SKA2: variants seen among roughly 807,000 people sequenced by gnomAD.
SKA2 encodes the protein spindle and kinetochore associated complex subunit 2.
A neutral mutation model predicts 16.9 loss-of-function variants in SKA2; 13 were observed. The observed-to-expected ratio is 0.77, with a 90% CI of 0.50 to 1.22. The LOEUF (loss-of-function observed/expected upper bound fraction) is 1.22, where lower values mean the gene tolerates loss of function less well. SKA2 is among the 50% of genes most tolerant of loss of function. The pLI is 0.00. For missense variants in SKA2, 107 were observed against 139.7 expected (o/e 0.77, Z 1.18); for synonymous variants, 47 against 48.5 (o/e 0.97, Z 0.13).
chr17:59,143,839 T>C (rs1335620781), intron 1 of SKA2, among the ~76,000 whole-genome samples: 1 of 152,116 alleles, frequency 6.6e-6, no homozygotes, highest in Non-Finnish European at 1.5e-5. Context: ...ATGATTACTA[T>C]AGAATATGAA....
chr17:59,143,223 T>A (rs75664647), intron 1 of SKA2, among the ~76,000 whole-genome samples: 1 of 151,820 alleles, frequency 6.6e-6, no homozygotes, highest in Non-Finnish European at 1.5e-5. Context: ...CTTTTTTTTT[T>A]GAGAGAGTCT....
chr17:59,113,364 A>T (rs1020052946), intron 3 of SKA2, among the ~76,000 whole-genome samples: 10 of 148,856 alleles, frequency 6.7e-5, no homozygotes, highest in Non-Finnish European at 4.5e-5. Context: ...TCTACTAAAA[A>T]ACACAAAAAT....
rs2046260204 is a variant in SKA2 at position 59,110,906 on chromosome 17, T to C, written c.*1371A>G. The C allele has an allele frequency of 6.6e-6, 1 of 152,110 alleles. No individual in the cohort carries two copies. The highest frequency in any genetic ancestry group is 2.1e-4 in the South Asian group (1 of 4,828). 9.4% of individuals were successfully genotyped at this position (152,110 alleles called of 1,614,324 possible). A position where few individuals can be genotyped will look rare whatever the true frequency, so the allele number is the denominator to read the frequency against. ...TTTTCAGCTATTATAAGTTTGTTAA[T>C]GGACAAACATGTTCATAACTGAAAT... On this transcript the variant is annotated 3_prime_UTR_variant, in exon 4 of 4. Transcript: ENST00000330137.
Position 59,139,020 on chromosome 17 carries a change from G to A in SKA2, c.34-7653C>T, listed in dbSNP as rs201911468. Among the ~76,000 whole-genome samples, 3 of 152,262 alleles carry A rather than the reference G, an allele frequency of 2.0e-5. No individual in the cohort carries two copies. In the East Asian group the frequency reaches 5.8e-4, roughly 29 times the overall value. On this transcript the variant is annotated intron_variant, in intron 1 of 3. Transcript: ENST00000330137. ...ATTAAATTACATAAAGTGAAAAAAA[G>A]TATTTCAGTCTCACCTATGGTGGGC...
At chr17:59,142,927 CAAAA>C (rs111796693) in intron 1 of SKA2, among the ~76,000 whole-genome samples, 53 of 60,318 alleles carry the variant, frequency 8.8e-4, no homozygotes, top group African/African-American at 2.6e-3. Context: ...AACCCCATCT[CAAAA>C]AAAAAAAAAA....
chr17:59,134,399 G>A (rs2046430092), intron 1 of SKA2, among the ~76,000 whole-genome samples: 1 of 152,094 alleles, frequency 6.6e-6, no homozygotes, highest in Non-Finnish European at 1.5e-5. Flanking sequence ...CATAAATTAT[G>A]GAATTTGTGG....
At chr17:59,142,604 T>C (rs1342791358) in intron 1 of SKA2, among the ~76,000 whole-genome samples, 3 of 150,500 alleles carry the variant, frequency 2.0e-5, no homozygotes, top group Non-Finnish European at 4.4e-5. Context: ...TATGTATTTT[T>C]TTAATTTTTA....
chr17:59,122,337 C>T (rs558267450), intron 2 of SKA2, among the ~76,000 whole-genome samples: 15 of 152,060 alleles, frequency 9.9e-5, no homozygotes, highest in African/African-American at 3.1e-4. Flanking sequence ...AGGCTGGGTG[C>T]AGTGACTCAC....
Position 59,110,883 on chromosome 17 carries a change from T to C in SKA2, c.*1394A>G, listed in dbSNP as rs946365420. 6.6e-6 allele frequency: 1 copy of C among 152,204 alleles called. No homozygotes were observed. The highest frequency in any genetic ancestry group is 1.9e-4 in the East Asian group (1 of 5,204). The allele number at this position is 152,204 out of a possible 1,614,324, so 9.4% of individuals were successfully genotyped here. ...TGAAGCTGTTCTCACAACCCTGTTTTTCAGCTATTATAAGTTTGTTAATGG... is the reference window on the plus strand; with the variant it reads ...TGAAGCTGTTCTCACAACCCTGTTTCTCAGCTATTATAAGTTTGTTAATGG... On this transcript the variant is annotated 3_prime_UTR_variant, in exon 4 of 4. Coordinates refer to ENST00000330137, the MANE Select transcript of SKA2 (RefSeq NM_182620.4).
chr17:59,123,808 A>C (rs1415611926), intron 2 of SKA2, among the ~76,000 whole-genome samples: 1 of 152,144 alleles, frequency 6.6e-6, no homozygotes, highest in Non-Finnish European at 1.5e-5. Context: ...ATTTTCTCTC[A>C]ATCTCTGAGG....
intron 1 of SKA2, among the ~76,000 whole-genome samples, chr17:59,143,401 A>G (rs1438795454): frequency 6.6e-6 from 1 of 151,946 alleles, no homozygotes; most frequent in Admixed American, 6.6e-5. Flanking sequence ...TTTTAATTTG[A>G]GTCAGAGTCT....
At chr17:59,147,788 G>C (rs948523830) in intron 1 of SKA2, among the ~76,000 whole-genome samples, 2 of 142,568 alleles carry the variant, frequency 1.4e-5, no homozygotes, top group African/African-American at 5.2e-5. Context: ...AAGAGCACTA[G>C]TAGAAATCAC....
At chr17:59,146,034 G>A (rs1187621580) in intron 1 of SKA2, among the ~76,000 whole-genome samples, 1 of 151,720 alleles carries the variant, frequency 6.6e-6, no homozygotes, top group Non-Finnish European at 1.5e-5. Flanking sequence ...AAAGTAGGAA[G>A]CACTTTTATC....
chr17:59,123,504 C>G (rs2046351001), intron 2 of SKA2, among the ~76,000 whole-genome samples: 1 of 151,028 alleles, frequency 6.6e-6, no homozygotes, highest in African/African-American at 2.4e-5. Context: ...TTGCAGTGAG[C>G]CAAGATCATG....
chr17:59,150,326 A>AT (rs1300625992), intron 1 of SKA2, among the ~76,000 whole-genome samples: 1 of 152,200 alleles, frequency 6.6e-6, no homozygotes, highest in Non-Finnish European at 1.5e-5. Context: ...TAAAATTCAT[A>AT]TTTTTTAAAA....
chr17:59,124,291 G>A (rs958083805), intron 2 of SKA2: 4 of 152,024 alleles, frequency 2.6e-5, no homozygotes, highest in African/African-American at 4.8e-5. Flanking sequence ...TTAGAACCAG[G>A]TGTGGTGGCA....
rs919049635 is a variant in SKA2, at chr17:59,111,338, C to T, written c.*939G>A. Reference sequence around the variant, plus strand: ...ATACAGCATGATTTATTTTCCTATTCACCTAGTACTAGCCAAATGTGTATG... The same window carrying T: ...ATACAGCATGATTTATTTTCCTATTTACCTAGTACTAGCCAAATGTGTATG... On this transcript the variant is annotated 3_prime_UTR_variant, in exon 4 of 4. Coordinates refer to ENST00000330137, the MANE Select transcript of SKA2 (RefSeq NM_182620.4). 6.6e-6 allele frequency: 1 copy of T among 152,208 alleles called. No individual in the cohort carries two copies. The highest frequency in any genetic ancestry group is 2.1e-4 in the South Asian group (1 of 4,830). 9.4% of individuals were successfully genotyped at this position (152,208 alleles called of 1,614,324 possible).
At chr17:59,149,797 A>G (rs774432596) in intron 1 of SKA2, among the ~76,000 whole-genome samples, 1 of 152,222 alleles carries the variant, frequency 6.6e-6, no homozygotes, top group Non-Finnish European at 1.5e-5. Context: ...AAAAGACTGT[A>G]TAATGTATGA....
In SKA2 at chr17:59,119,433, A is replaced by T; in HGVS notation, c.183T>A (p.Tyr61Ter). The change falls in exon 3 of 4, where the codon TAT becomes TAA. Residue 61 changes from tyrosine (Y) to a stop codon, truncating the protein, a stop_gained. Transcript: ENST00000330137. LOFTEE classifies it high-confidence loss of function. Reference protein sequence around the residue: ...SVIKSRYQTLYARFKPVAVEQ... With the variant: ...SVIKSRYQTL ...CAACAGCAACTGGTTTAAAGCGGGC[A>T]TACAAAGTTTGATATCGAGACTTTA... 6.2e-7 allele frequency: 1 copy of T among 1,614,040 alleles called. No homozygotes were observed. The highest frequency in any genetic ancestry group is 1.1e-5 in the South Asian group (1 of 91,086).
Sources: allele counts gnomAD v4.1 joint callset (sites outside exome capture counted in the v4.1 genomes callset), GRCh38; gene constraint gnomAD v4.1.1; transcripts MANE v1.5; gene names NCBI Gene and HGNC (gene_info 2026-07-23, HGNC 2026-07-21).